FBXL4: variants seen among roughly 807,000 people sequenced by gnomAD.
The protein encoded by FBXL4 is F-box/LRR-repeat protein 4.
FBXL4 carries 40 observed loss-of-function variants against 58.9 expected under a neutral mutation model. The observed-to-expected ratio is 0.68, with a 90% CI of 0.53 to 0.88. FBXL4 has a LOEUF of 0.88. Ranked by LOEUF, FBXL4 falls within the 40% of genes least tolerant of loss-of-function variation. The pLI, the probability that FBXL4 is intolerant of heterozygous loss-of-function variation, is 0.00. For synonymous variants in FBXL4, 263 were observed against 265.5 expected (o/e 0.99, Z 0.09); for missense variants, 676 against 734.4 (o/e 0.92, Z 0.92).
At chr6:98,878,440 C>A (rs1170307907) in intron 8 of FBXL4, among the ~76,000 whole-genome samples, 1 of 151,980 alleles carries the variant, frequency 6.6e-6, no homozygotes, top group African/African-American at 2.4e-5. Context: ...CTCCTGGGCT[C>A]AAGCAATCCT....
intron 4 of FBXL4, 62 bp downstream of exon 4, chr6:98,926,415 C>G: frequency 1.4e-6 from 2 of 1,472,202 alleles, no homozygotes; most frequent in Non-Finnish European, 1.8e-6. Context: ...AAAAAGATCT[C>G]CAATATTAAC....
intron 6 of FBXL4, among the ~76,000 whole-genome samples, chr6:98,901,014 T>C (rs1175341069): frequency 6.6e-6 from 1 of 152,158 alleles, no homozygotes; most frequent in Admixed American, 6.6e-5. Context: ...GCTTCTACTA[T>C]CATCCAGGCA....
chr6:98,921,113 A>C (rs1300620151), intron 4 of FBXL4, among the ~76,000 whole-genome samples: 1 of 152,186 alleles, frequency 6.6e-6, no homozygotes, highest in Non-Finnish European at 1.5e-5. Context: ...TGGAGCATTC[A>C]ATTCTGGGAT....
chr6:98,934,461 A>G (rs942151214), intron 2 of FBXL4, among the ~76,000 whole-genome samples: 5 of 152,164 alleles, frequency 3.3e-5, no homozygotes, highest in Non-Finnish European at 5.9e-5. Context: ...AAAGGTAATA[A>G]GACAGCTTAA....
intron 5 of FBXL4, among the ~76,000 whole-genome samples, 168 bp downstream of exon 5, chr6:98,917,206 A>C (rs1184609522): frequency 6.6e-6 from 1 of 152,208 alleles, no homozygotes; most frequent in Non-Finnish European, 1.5e-5. Context: ...CAGTGAAATT[A>C]GTTAAAACAT....
chr6:98,925,646 A>G (rs750737885), intron 4 of FBXL4, among the ~76,000 whole-genome samples: 3 of 152,256 alleles, frequency 2.0e-5, no homozygotes, highest in Non-Finnish European at 4.4e-5. Flanking sequence ...CAAATGCAGG[A>G]AAGAATGAGG....
intron 8 of FBXL4, 78 bp downstream of exon 8, chr6:98,880,475 G>A (rs967308331): frequency 5.2e-6 from 6 of 1,149,062 alleles, no homozygotes; most frequent in African/African-American, 3.0e-5. Flanking sequence ...GGGGTAGGGT[G>A]AGTCAGGATA....
chr6:98,901,841 G>T (rs1771623816), intron 6 of FBXL4, among the ~76,000 whole-genome samples: 1 of 152,052 alleles, frequency 6.6e-6, no homozygotes, highest in Non-Finnish European at 1.5e-5. Context: ...TTTGAAAGGA[G>T]AACTCAGCTT....
intron 4 of FBXL4, among the ~76,000 whole-genome samples, chr6:98,919,910 C>T (rs1772514953): frequency 6.6e-6 from 1 of 152,244 alleles, no homozygotes; most frequent in Admixed American, 6.5e-5. Flanking sequence ...GAAACAAGGA[C>T]CCCTCAAGAC....
At chr6:98,899,526 A>T in intron 6 of FBXL4, 45 bp from the exon 7 acceptor site, 1 of 1,574,406 alleles carries the variant, frequency 6.4e-7, no homozygotes, top group African/African-American at 1.4e-5. Flanking sequence ...ACTAAAAGAT[A>T]TTTTTGCAAG....
At chr6:98,924,632 C>T (rs966937503) in intron 4 of FBXL4, among the ~76,000 whole-genome samples, 2 of 152,128 alleles carry the variant, frequency 1.3e-5, no homozygotes, top group African/African-American at 4.8e-5. Context: ...TTAAGGTATG[C>T]TGGCTTTCTG....
At chr6:98,880,743 C>T (rs1162453346) in intron 7 of FBXL4, 119 bp from the exon 8 acceptor site, 10 of 812,272 alleles carry the variant, frequency 1.2e-5, no homozygotes, top group African/African-American at 3.4e-5. Flanking sequence ...AGCTCAAAAG[C>T]TAGGTTACAG....
At chr6:98,939,829 C>T (rs1345703803) in intron 1 of FBXL4, among the ~76,000 whole-genome samples, 1 of 152,198 alleles carries the variant, frequency 6.6e-6, no homozygotes, top group Non-Finnish European at 1.5e-5. Context: ...GAAATCACTT[C>T]TTACTGTAAT....
chr6:98,927,742 C>T lies in FBXL4; in HGVS notation c.-110G>A, dbSNP rs1434655468. 6.6e-6 allele frequency: 1 copy of T among 152,218 alleles called. No homozygotes were observed. The highest frequency in any genetic ancestry group is 2.4e-5 in the African/African-American group (1 of 41,448). 9.4% of individuals were successfully genotyped at this position (152,218 alleles called of 1,614,324 possible). On this transcript the variant is annotated 5_prime_UTR_variant, in exon 3 of 10. Transcript: ENST00000369244. ...GGTCACAGGATACACATGGGAAATG[C>T]AAAAGTTGGCATTCATCCAGGTACC... is the stretch of plus-strand genomic sequence containing the variant.
intron 5 of FBXL4, among the ~76,000 whole-genome samples, chr6:98,914,490 T>C (rs1439215074): frequency 6.6e-6 from 1 of 152,150 alleles, no homozygotes; most frequent in African/African-American, 2.4e-5. Context: ...GGGCTTCACC[T>C]CTGGGATGCA....
chr6:98,933,744 GC>G (rs1773099756), intron 2 of FBXL4, among the ~76,000 whole-genome samples: 1 of 152,142 alleles, frequency 6.6e-6, no homozygotes, highest in African/African-American at 2.4e-5. Flanking sequence ...GCCAATATAT[GC>G]TCAATAAACA....
At chr6:98,941,428 G>A (rs1271067465) in intron 1 of FBXL4, among the ~76,000 whole-genome samples, 1 of 152,048 alleles carries the variant, frequency 6.6e-6, no homozygotes, top group Non-Finnish European at 1.5e-5. Context: ...ATTGACTAAA[G>A]TAACCACAAA....
rs1158551146 is a variant in FBXL4, at chr6:98,889,576, G to A, written c.1318-8952C>T. On this transcript the variant is annotated intron_variant, in intron 7 of 9. Transcript: ENST00000369244. The stretch of plus-strand genomic sequence containing the variant: ...CATGCCTATAGTCCCAGATACTTTG[G>A]AGGCTGAGCTAGAAGGATCACTTGA... Among the ~76,000 whole-genome samples the A allele has an allele frequency of 2.0e-5, 3 of 151,484 alleles. No homozygotes were observed. In the East Asian group the frequency reaches 5.8e-4, roughly 29 times the overall value.
rs1341425376 is a variant in FBXL4 at position 98,898,789 on chromosome 6, A to G, written c.1317+479T>C. 4.1e-6 allele frequency: 4 copies of G among 985,338 alleles called. No homozygotes were observed. In the South Asian group the frequency reaches 1.4e-4, roughly 35 times the overall value. The allele number at this position is 985,338 out of a possible 1,614,324, so 61.0% of individuals were successfully genotyped here. A position where few individuals can be genotyped will look rare whatever the true frequency, so the allele number is the denominator to read the frequency against. On this transcript the variant is annotated intron_variant, in intron 7 of 9. Coordinates refer to ENST00000369244, the MANE Select transcript of FBXL4 (RefSeq NM_001278716.2). Reference sequence around the variant, plus strand: ...CTGACCCTGGAAACATGTCCTAGAGATATTAGTGAAAAAGCAAGTAGACTA... The same window carrying G: ...CTGACCCTGGAAACATGTCCTAGAGGTATTAGTGAAAAAGCAAGTAGACTA...
Sources: allele counts gnomAD v4.1 joint callset (sites outside exome capture counted in the v4.1 genomes callset), GRCh38; gene constraint gnomAD v4.1.1; transcripts MANE v1.5; gene names NCBI Gene and HGNC (gene_info 2026-07-23, HGNC 2026-07-21).